NAV3: variants seen among roughly 807,000 people sequenced by gnomAD.
The protein encoded by NAV3 is pore membrane and/or filament interacting like protein 1.
In NAV3, 87 loss-of-function variants were observed where a neutral mutation model predicts 244.7. The ratio of observed to expected loss-of-function variants is 0.36; its 90% CI spans 0.30 to 0.42. The LOEUF (loss-of-function observed/expected upper bound fraction) is 0.42. Among genes scored for constraint, NAV3 ranks in the 20% least tolerant of loss-of-function variants. The pLI is 1.00. For missense variants in NAV3, 2,663 were observed against 2,893.3 expected (o/e 0.92, Z 1.83); for synonymous variants, 1,126 against 1,042.2 (o/e 1.08, Z -1.55).
At chr12:77,574,315 G>T (rs962340501) in intron 2 of NAV3, among the ~76,000 whole-genome samples, 3 of 152,066 alleles carry the variant, frequency 2.0e-5, no homozygotes, top group Non-Finnish European at 4.4e-5. Context: ...AAAGGTTTAA[G>T]ATTCAAAATT....
At chr12:78,040,079 TC>T (rs1880592613) in intron 9 of NAV3, among the ~76,000 whole-genome samples, 1 of 152,276 alleles carries the variant, frequency 6.6e-6, no homozygotes, top group African/African-American at 2.4e-5. Flanking sequence ...ATTGTGTTTT[TC>T]CCCCAAAGCC....
intron 12 of NAV3, among the ~76,000 whole-genome samples, chr12:78,072,511 CAAT>C (rs1255689528): frequency 1.0e-5 from 1 of 100,320 alleles, no homozygotes; most frequent in Non-Finnish European, 2.1e-5. Context: ...CTGAATAGAC[CAAT>C]AACAGGAGCT....
chr12:77,629,766 T>C (rs1324895449), intron 2 of NAV3, among the ~76,000 whole-genome samples: 5 of 152,194 alleles, frequency 3.3e-5, no homozygotes, highest in Non-Finnish European at 5.9e-5. Flanking sequence ...CTCTCCCCTC[T>C]GCTGAAAATG....
intron 3 of NAV3, among the ~76,000 whole-genome samples, chr12:77,948,607 C>T (rs1240349311): frequency 6.6e-6 from 1 of 150,816 alleles, no homozygotes; most frequent in Non-Finnish European, 1.5e-5. Context: ...CGTAAGAATC[C>T]TTTTATAATT....
At chr12:78,046,492 C>A (rs12296226) in intron 9 of NAV3, among the ~76,000 whole-genome samples, 15,374 of 152,048 alleles carry the variant, frequency 0.1, 2,399 homozygotes, top group African/African-American at 0.34. Context: ...TTATTTACCC[C>A]GTGGTCATTC....
At chr12:77,655,429 A>T (rs1565756037) in intron 2 of NAV3, among the ~76,000 whole-genome samples, 2 of 152,206 alleles carry the variant, frequency 1.3e-5, no homozygotes, top group Non-Finnish European at 2.9e-5. Context: ...AGAAACGAAC[A>T]AAGCCTCCAA....
At chr12:78,116,684 A>C in intron 12 of NAV3, 88 bp from the exon 13 acceptor site, 1 of 1,310,606 alleles carries the variant, frequency 7.6e-7, no homozygotes, top group Non-Finnish European at 1.0e-6. Context: ...TGTCTTAATA[A>C]TAAATTGTGA....
chr12:77,857,719 AT>A (rs750580588), intron 1 of NAV3, among the ~76,000 whole-genome samples: 16 of 151,948 alleles, frequency 1.1e-4, no homozygotes, highest in Admixed American at 6.6e-4. Flanking sequence ...ATATTTTAAT[AT>A]TCTTGTAAAA....
chr12:77,613,256 A>G (rs1311431845), intron 2 of NAV3, among the ~76,000 whole-genome samples: 3 of 152,206 alleles, frequency 2.0e-5, no homozygotes, highest in East Asian at 1.9e-4. Context: ...TTATGCACAT[A>G]TGATTCTTCT....
chr12:77,730,932 C>T (rs193288284), intron 2 of NAV3, among the ~76,000 whole-genome samples: 1 of 151,464 alleles, frequency 6.6e-6, no homozygotes, highest in East Asian at 1.9e-4. Flanking sequence ...CAGAATAATG[C>T]CTCAAATACT....
intron 1 of NAV3, among the ~76,000 whole-genome samples, chr12:77,928,682 G>T (rs181269238): frequency 3.3e-4 from 50 of 152,250 alleles, no homozygotes; most frequent in African/African-American, 1.2e-3. Context: ...AGAACATACT[G>T]TAGTTAGCAT....
chr12:77,897,198 C>T (rs1884725060), intron 1 of NAV3, among the ~76,000 whole-genome samples: 1 of 152,166 alleles, frequency 6.6e-6, no homozygotes, highest in South Asian at 2.1e-4. Flanking sequence ...TAAATCTTCC[C>T]TGGTGATTTT....
At chr12:77,887,103 A>C (rs553078397) in intron 1 of NAV3, among the ~76,000 whole-genome samples, 1 of 152,172 alleles carries the variant, frequency 6.6e-6, no homozygotes, top group Non-Finnish European at 1.5e-5. Flanking sequence ...AACCTCTCAC[A>C]GTGGCTTTTC....
At chr12:77,850,996 C>T (rs1016042231) in intron 1 of NAV3, among the ~76,000 whole-genome samples, 9 of 152,180 alleles carry the variant, frequency 5.9e-5, no homozygotes, top group African/African-American at 2.2e-4. Context: ...CACTGGGACA[C>T]ATAAGAACTT....
At chr12:78,102,561 G>T (rs1036215136) in intron 12 of NAV3, among the ~76,000 whole-genome samples, 1 of 152,192 alleles carries the variant, frequency 6.6e-6, no homozygotes, top group Admixed American at 6.5e-5. Flanking sequence ...CCACTAGGCC[G>T]TGCTCCAGTA....
chr12:77,861,430 T>G (rs1336508886), intron 1 of NAV3, among the ~76,000 whole-genome samples: 1 of 152,008 alleles, frequency 6.6e-6, no homozygotes. Context: ...AAATCTGGAA[T>G]GGTTGAACTA....
chr12:78,117,160 TATATATATATA>T (rs1566155848), intron 13 of NAV3, among the ~76,000 whole-genome samples: 1,500 of 108,778 alleles, frequency 0.014, 106 homozygotes, highest in South Asian at 0.02. Flanking sequence ...AGAAGCAGCA[TATATATATATA>T]TATATATATA....
In NAV3 at chr12:78,006,604, G is replaced by A. The variant is rs2136561943; in HGVS notation, c.1066G>A (p.Ala356Thr). 1 of 1,614,032 alleles carries A rather than the reference G, an allele frequency of 6.2e-7. No homozygotes were observed. The highest frequency in any genetic ancestry group is 1.3e-5 in the African/African-American group (1 of 74,964). Residue 356 changes from alanine to threonine, a missense_variant, in exon 8 of 40, where the codon GCC becomes ACC. Physicochemically the swap from Ala to Thr is moderately conservative, Grantham distance 58. Transcript: ENST00000397909. ...GTTGACTGTAAAGCAGTCAAGTACA[G>A]CCACCTCCCCCACACCATCTTCAGA... ...TMLTVKQSST[A>T]TSPTPSSDRL...
At position 77,601,481 on chromosome 12, in the gene NAV3, G is replaced by C. The variant is rs965713604; in HGVS notation, c.72+29215G>C. ...TAAAGCAAACCTTGTAGGCCTCCTT[G>C]AACTTTTGAAGAGACTCTGTGAGCA... On this transcript the variant is annotated intron_variant, in intron 2 of 8. Coordinates refer to the NAV3 transcript ENST00000550042. 2.6e-5 allele frequency among the ~76,000 whole-genome samples: 4 copies of C among 152,042 alleles called. No homozygotes were observed. In the East Asian group the frequency reaches 5.8e-4, roughly 22 times the overall value.
Sources: allele counts gnomAD v4.1 joint callset (sites outside exome capture counted in the v4.1 genomes callset), GRCh38; gene constraint gnomAD v4.1.1; transcripts MANE v1.5; gene names NCBI Gene and HGNC (gene_info 2026-07-23, HGNC 2026-07-21).